Variants in STRADB observed in about 807,000 individuals in gnomAD.
STRADB encodes the protein STE20-related kinase adapter protein beta.
In STRADB, 34 loss-of-function variants were observed where a neutral mutation model predicts 52.1. The observed-to-expected ratio is 0.65, with a 90% CI of 0.50 to 0.87. The LOEUF (loss-of-function observed/expected upper bound fraction) is 0.87. Ranked by LOEUF, STRADB falls within the 40% of genes least tolerant of loss-of-function variation. The probability of loss-of-function intolerance (pLI) is 0.00; values close to 1 mark genes in which losing one functional copy is unlikely to be tolerated. For missense variants in STRADB, 340 were observed against 483.9 expected, an observed-to-expected ratio of 0.70 and a Z score of 2.79; for synonymous variants, 133 against 174.5, an observed-to-expected ratio of 0.76 and a Z score of 1.87.
chr2:201,470,646 T>G (rs1426591063), intron 4 of STRADB, among the ~76,000 whole-genome samples: 2 of 152,174 alleles, frequency 1.3e-5, no homozygotes, highest in Non-Finnish European at 2.9e-5. Flanking sequence ...GAAGACACAA[T>G]ATAGCTTCGT....
At chr2:201,470,625 T>G (rs1483578483) in intron 4 of STRADB, among the ~76,000 whole-genome samples, 1 of 152,190 alleles carries the variant, frequency 6.6e-6, no homozygotes, top group African/African-American at 2.4e-5. Flanking sequence ...TGACATCATC[T>G]CTGGGAAGAT....
At chr2:201,479,454 AG>A (rs1185838237) in intron 10 of STRADB, 34 bp from the exon 11 acceptor site, 5 of 1,443,080 alleles carry the variant, frequency 3.5e-6, no homozygotes, top group African/African-American at 2.2e-5. Flanking sequence ...TCTAATATAA[AG>A]GTTTTTTTTT....
intron 7 of STRADB, among the ~76,000 whole-genome samples, chr2:201,476,635 AT>A (rs1051364575): frequency 5.3e-5 from 8 of 150,920 alleles, no homozygotes; most frequent in East Asian, 1.9e-4. Context: ...ATATTGTTTG[AT>A]TTTTTTTTAG....
chr2:201,459,521 C>G (rs1429667006), intron 3 of STRADB, among the ~76,000 whole-genome samples: 1 of 152,210 alleles, frequency 6.6e-6, no homozygotes, highest in Non-Finnish European at 1.5e-5. Flanking sequence ...CTACCTCTGT[C>G]CCCATATTTA....
At chr2:201,477,597 G>C (rs1482781049) in intron 7 of STRADB, 22 bp from the exon 8 acceptor site, 3 of 1,582,020 alleles carry the variant, frequency 1.9e-6, no homozygotes, top group Non-Finnish European at 2.6e-6. Context: ...CTGTTACTTA[G>C]CATTGTTTCT....
chr2:201,452,854 A>G (rs1426677283), intron 1 of STRADB, among the ~76,000 whole-genome samples: 1 of 152,272 alleles, frequency 6.6e-6, no homozygotes, highest in Non-Finnish European at 1.5e-5. Flanking sequence ...TATGGAACAA[A>G]CTGAAATTAC....
At chr2:201,477,536 A>C in intron 7 of STRADB, 83 bp from the exon 8 acceptor site, 1 of 1,362,890 alleles carries the variant, frequency 7.3e-7, no homozygotes, top group Non-Finnish European at 1.0e-6. Flanking sequence ...CCAAGAGAAT[A>C]TATGGATTTG....
chr2:201,480,336 T>G lies in STRADB; in HGVS notation c.*161T>G. The G allele has an allele frequency of 1.4e-6, 2 of 1,470,856 alleles. No homozygotes were observed. The highest frequency in any genetic ancestry group is 1.8e-6 in the Non-Finnish European group (2 of 1,116,498). The allele number at this position is 1,470,856 out of a possible 1,614,324, so 91.1% of individuals were successfully genotyped here. On this transcript the variant is annotated 3_prime_UTR_variant, in exon 12 of 12. Transcript: ENST00000194530. ...CACTCTGTTCAAAGGGGCACCAGTTTGTAGTCCCTCTGTTTCGCACAGAGT... is the reference window on the plus strand; with the variant it reads ...CACTCTGTTCAAAGGGGCACCAGTTGGTAGTCCCTCTGTTTCGCACAGAGT...
intron 2 of STRADB, among the ~76,000 whole-genome samples, chr2:201,457,890 G>A (rs1367452165): frequency 6.6e-6 from 1 of 152,246 alleles, no homozygotes; most frequent in South Asian, 2.1e-4. Context: ...GGGGCGTGGT[G>A]GCAGGTGCCT....
chr2:201,454,946 T>G, intron 2 of STRADB, 94 bp downstream of exon 2: 3 of 1,123,450 alleles, frequency 2.7e-6, no homozygotes, highest in South Asian at 3.1e-5. Flanking sequence ...TGATGGGATA[T>G]TCTTATGCTC....
chr2:201,463,655 T>G (rs535756742), intron 3 of STRADB, among the ~76,000 whole-genome samples: 1 of 152,328 alleles, frequency 6.6e-6, no homozygotes, highest in East Asian at 1.9e-4. Flanking sequence ...AGTTCTGTGT[T>G]ATTATCCCTT....
chr2:201,477,544 T>G, intron 7 of STRADB, 75 bp from the exon 8 acceptor site: 1 of 1,442,108 alleles, frequency 6.9e-7, no homozygotes, highest in Non-Finnish European at 9.5e-7. Flanking sequence ...ATATATGGAT[T>G]TGTTCCTGCC....
At chr2:201,460,826 G>A (rs562570843) in intron 3 of STRADB, 28 of 367,040 alleles carry the variant, frequency 7.6e-5, no homozygotes, top group African/African-American at 5.4e-4. Context: ...CAATAAACAT[G>A]GATGTGTATA....
At chr2:201,475,825 A>G (rs963866076) in intron 7 of STRADB, 83 bp downstream of exon 7, 88 of 1,429,080 alleles carry the variant, frequency 6.2e-5, no homozygotes, top group Non-Finnish European at 3.8e-5. Flanking sequence ...GAGCAGTTGA[A>G]TATTAGAAAA....
intron 4 of STRADB, among the ~76,000 whole-genome samples, chr2:201,472,377 GATAA>G (rs1228616495): frequency 2.6e-5 from 4 of 152,160 alleles, no homozygotes; most frequent in African/African-American, 4.8e-5. Context: ...ATTATAAATG[GATAA>G]ATAAATTGTG....
intron 10 of STRADB, 103 bp from the exon 11 acceptor site, chr2:201,479,386 T>C (rs958693048): frequency 4.9e-6 from 5 of 1,017,050 alleles, no homozygotes; most frequent in Non-Finnish European, 7.3e-6. Context: ...CTTTTTCGTA[T>C]TGGGTTTTAT....
At chr2:201,479,626 G>A (rs1952538303) in intron 11 of STRADB, 95 bp downstream of exon 11, 15 of 1,223,162 alleles carry the variant, frequency 1.2e-5, no homozygotes, top group Non-Finnish European at 1.6e-5. Flanking sequence ...TGGTTACCAA[G>A]GTTCTTACTA....
rs184292967 is a variant in STRADB, at chr2:201,480,781, T to G, written c.*606T>G. Reference sequence around the variant, plus strand: ...GGGGGCTAAAGTAACACTTTCCTACTTATGTAAATTATAGATCCTAAATTC... The same window carrying G: ...GGGGGCTAAAGTAACACTTTCCTACGTATGTAAATTATAGATCCTAAATTC... On this transcript the variant is annotated 3_prime_UTR_variant, in exon 12 of 12. Transcript: ENST00000194530. 8.1e-6 allele frequency: 8 copies of G among 985,126 alleles called. No homozygotes were observed. The East Asian group carries it at 9.1e-4, about 112-fold the overall frequency. 61.0% of individuals were successfully genotyped at this position (985,126 alleles called of 1,614,324 possible). A position where few individuals can be genotyped will look rare whatever the true frequency, so the allele number is the denominator to read the frequency against.
At chr2:201,472,855 G>A in intron 4 of STRADB, 100 bp from the exon 5 acceptor site, 3 of 1,207,338 alleles carry the variant, frequency 2.5e-6, no homozygotes, top group Non-Finnish European at 3.4e-6. Flanking sequence ...TTTCTTAACA[G>A]TACTTTTTGA....
Sources: gnomAD v4.1 joint callset for allele counts (sites outside exome capture counted in the v4.1 genomes callset) on GRCh38, gnomAD v4.1.1 for gene constraint, MANE v1.5 for transcripts, NCBI Gene and HGNC (gene_info 2026-07-23, HGNC 2026-07-21) for gene names.